ANO3: variants seen among roughly 807,000 people sequenced by gnomAD.
The protein encoded by ANO3 is anoctamin-3.
Under a neutral mutation model 144.8 loss-of-function variants are expected in ANO3, and 99 were observed. The observed-to-expected ratio is 0.68, with a 90% CI of 0.58 to 0.81. The LOEUF (loss-of-function observed/expected upper bound fraction) is 0.81. Among genes scored for constraint, ANO3 ranks in the 30% least tolerant of loss-of-function variants. The pLI is 0.00. For synonymous variants in ANO3, 414 were observed against 392.6 expected (o/e 1.05, Z -0.64); for missense variants, 905 against 1,202.2 (o/e 0.75, Z 3.66).
At chr11:26,499,331 G>A (rs999010516) in intron 4 of ANO3, among the ~76,000 whole-genome samples, 1 of 151,264 alleles carries the variant, frequency 6.6e-6, no homozygotes, top group African/African-American at 2.4e-5. Flanking sequence ...TATAACTGGT[G>A]CTGATGCTTT....
intron 3 of ANO3, among the ~76,000 whole-genome samples, chr11:26,460,722 C>A (rs1306455123): frequency 6.8e-6 from 1 of 147,770 alleles, no homozygotes; most frequent in Non-Finnish European, 1.5e-5. Context: ...ACAGAAAAAT[C>A]TCTGCCTAGA....
In ANO3 at chr11:26,656,166, AC is replaced by A. The variant is rs1253234696; in HGVS notation, c.2620del (p.Leu874Ter). The stretch of plus-strand genomic sequence containing the variant: ...GTCAACAATAGCCTATCCTTCTTTG[AC>A]CTGAGTGAGCTTGGTATGGGAAAAT... ...GYVNNSLSFF[D>X]LSELGMGKSG... is the part of the protein sequence containing the mutation. On this transcript the variant is annotated frameshift_variant, in exon 25 of 27. Transcript: ENST00000256737. LOFTEE classifies it high-confidence loss of function. The A allele has an allele frequency of 1.2e-6, 2 of 1,613,678 alleles. No individual in the cohort carries two copies. The highest frequency in any genetic ancestry group is 2.2e-5 in the South Asian group (2 of 91,058).
chr11:26,329,660 C>T (rs1339138747), upstream of ANO3, among the ~76,000 whole-genome samples: 1 of 152,104 alleles, frequency 6.6e-6, no homozygotes, highest in African/African-American at 2.4e-5. Flanking sequence ...TTCAAAATCT[C>T]AACTCATTTC....
At chr11:26,445,891 G>C (rs187499337) in intron 3 of ANO3, among the ~76,000 whole-genome samples, 1 of 151,912 alleles carries the variant, frequency 6.6e-6, no homozygotes, top group Non-Finnish European at 1.5e-5. Flanking sequence ...GAGTGCAGTG[G>C]TGCGATCTCA....
chr11:26,348,606 C>T (rs528929778), intron 1 of ANO3, among the ~76,000 whole-genome samples: 15 of 152,332 alleles, frequency 9.8e-5, no homozygotes, highest in Middle Eastern at 3.4e-3. Context: ...TTTAACCTAA[C>T]TTTTACTTAT....
chr11:26,567,535 A>C (rs1850638385), intron 14 of ANO3, among the ~76,000 whole-genome samples: 1 of 151,924 alleles, frequency 6.6e-6, no homozygotes, highest in Admixed American at 6.6e-5. Flanking sequence ...ATAATTTCTC[A>C]CATGTGGTAC....
intron 4 of ANO3, among the ~76,000 whole-genome samples, chr11:26,502,600 T>C (rs1590425779): frequency 1.3e-5 from 2 of 152,108 alleles, no homozygotes; most frequent in East Asian, 3.9e-4. Context: ...AAAGATTATA[T>C]AACCTTCCGT....
intron 1 of ANO3, among the ~76,000 whole-genome samples, chr11:26,226,972 A>G (rs1852270202): frequency 6.6e-6 from 1 of 152,106 alleles, no homozygotes; most frequent in Admixed American, 6.5e-5. Flanking sequence ...GATAGCCACC[A>G]TTCTACTTTC....
intron 1 of ANO3, among the ~76,000 whole-genome samples, chr11:26,204,976 G>T (rs1851768894): frequency 6.6e-6 from 1 of 152,128 alleles, no homozygotes; most frequent in African/African-American, 2.4e-5. Flanking sequence ...TGCATGGCTG[G>T]AAAGGCCTCA....
rs755572898 is a variant in ANO3, at chr11:26,441,926, A to G, written c.55A>G (p.Ile19Val). The G allele has an allele frequency of 1.2e-5, 20 of 1,612,838 alleles. No homozygotes were observed. Among genetic ancestry groups the G allele is most frequent in the Non-Finnish European group, 1.7e-5 (20 of 1,179,586 alleles). The change falls in exon 2 of 27, where the codon ATA becomes GTA. Residue 19 changes from isoleucine (I) to valine (V), a missense_variant. Ile to Val is a conservative substitution (Grantham distance 29). This residue lies in a region of ANO3 where 174 missense variants were observed against 171.9 expected (regional missense o/e 1.01). Transcript: ENST00000256737. ...ACATTTTGGATTTGCAGGTATGAAT[A>G]TAAGCAAGAGTGAGATAACAAAAGA... ...QSFKQQKGMNISKSEITKETS... is the reference protein window; with the variant it reads ...QSFKQQKGMNVSKSEITKETS...
chr11:26,298,828 A>G (rs1352293576), intron 1 of ANO3, among the ~76,000 whole-genome samples: 2 of 152,162 alleles, frequency 1.3e-5, no homozygotes. Context: ...TAGAAGAGTC[A>G]AGATTTTTGG....
chr11:26,574,327 A>G (rs1420439920), intron 14 of ANO3, among the ~76,000 whole-genome samples: 1 of 152,174 alleles, frequency 6.6e-6, no homozygotes, highest in Non-Finnish European at 1.5e-5. Context: ...ATAGCTTGGG[A>G]CCACACTTCA....
At chr11:26,533,176 A>C (rs963042558) in intron 8 of ANO3, among the ~76,000 whole-genome samples, 9 of 152,210 alleles carry the variant, frequency 5.9e-5, no homozygotes, top group Non-Finnish European at 1.3e-4. Flanking sequence ...AGACAGAAAT[A>C]AAATGCACGT....
chr11:26,202,281 TTATA>T (rs1031164444), intron 1 of ANO3, among the ~76,000 whole-genome samples: 9 of 145,646 alleles, frequency 6.2e-5, no homozygotes, highest in Admixed American at 4.9e-4. Flanking sequence ...ATAATATATA[TTATA>T]TATAATATAG....
chr11:26,582,124 A>G (rs1851150769), intron 14 of ANO3, among the ~76,000 whole-genome samples: 1 of 152,200 alleles, frequency 6.6e-6, no homozygotes, highest in Non-Finnish European at 1.5e-5. Flanking sequence ...GCACCTTTCA[A>G]ACCCAGAACA....
At chr11:26,585,902 G>T (rs1419306033) in intron 14 of ANO3, among the ~76,000 whole-genome samples, 2 of 152,160 alleles carry the variant, frequency 1.3e-5, no homozygotes, top group Non-Finnish European at 2.9e-5. Context: ...ACTGTTAAGA[G>T]AATGGGTGTT....
chr11:26,297,717 AATAATTCTG>A (rs1854125679), intron 1 of ANO3, among the ~76,000 whole-genome samples: 2 of 152,206 alleles, frequency 1.3e-5, no homozygotes, highest in Admixed American at 6.5e-5. Flanking sequence ...AGGGAAAGGC[AATAATTCTG>A]AGTACCCATC....
intron 24 of ANO3, among the ~76,000 whole-genome samples, chr11:26,651,510 G>A (rs1853531205): frequency 6.6e-6 from 1 of 151,892 alleles, no homozygotes; most frequent in African/African-American, 2.4e-5. Flanking sequence ...GCATTAAAGG[G>A]ATTTGCAAAC....
chr11:26,225,977 A>G (rs1852248486), intron 1 of ANO3, among the ~76,000 whole-genome samples: 1 of 152,146 alleles, frequency 6.6e-6, no homozygotes, highest in African/African-American at 2.4e-5. Flanking sequence ...CAGAAGAATG[A>G]CAGATCTAAC....
Sources: allele counts gnomAD v4.1 joint callset (sites outside exome capture counted in the v4.1 genomes callset), GRCh38; gene constraint gnomAD v4.1.1; regional missense constraint gnomAD v4.1.1; transcripts MANE v1.5; gene names NCBI Gene and HGNC (gene_info 2026-07-23, HGNC 2026-07-21).